The following TCF12 variants were observed in gnomAD, a reference collection of about 807,000 sequenced individuals.
The protein encoded by TCF12 is transcription factor 12.
A neutral mutation model predicts 86.0 loss-of-function variants in TCF12; 45 were observed. The observed-to-expected ratio is 0.52, with a 90% confidence interval of 0.41 to 0.67. TCF12 has a LOEUF of 0.67. TCF12 is among the 30% of genes least tolerant of loss of function. The pLI is 0.00. For synonymous variants in TCF12, 330 were observed against 299.6 expected (o/e 1.10, Z -1.05); for missense variants, 881 against 859.9 (o/e 1.02, Z -0.31).
At chr15:56,931,659 A>G (rs1595728972) in intron 3 of TCF12, among the ~76,000 whole-genome samples, 1 of 152,218 alleles carries the variant, frequency 6.6e-6, no homozygotes, top group East Asian at 1.9e-4. Flanking sequence ...CATGATGCTT[A>G]TTCCTGAAAT....
chr15:57,054,836 T>C (rs2067886564), intron 3 of TCF12, among the ~76,000 whole-genome samples: 1 of 135,794 alleles, frequency 7.4e-6, no homozygotes, highest in African/African-American at 2.7e-5. Flanking sequence ...CATACATCAT[T>C]AACTTCTCAA....
chr15:57,141,432 C>T (rs2052956386), intron 5 of TCF12, among the ~76,000 whole-genome samples: 1 of 152,196 alleles, frequency 6.6e-6, no homozygotes, highest in Non-Finnish European at 1.5e-5. Context: ...TCACTGCAAC[C>T]TCTGCCTCCC....
At chr15:57,247,498 A>G (rs1412666945) in intron 13 of TCF12, 5 of 798,240 alleles carry the variant, frequency 6.3e-6, no homozygotes, top group African/African-American at 3.4e-5. Context: ...ATTTCTGAAC[A>G]ACAATTTTAT....
At chr15:57,023,115 T>A (rs1358936709) in intron 3 of TCF12, among the ~76,000 whole-genome samples, 1 of 152,188 alleles carries the variant, frequency 6.6e-6, no homozygotes, top group African/African-American at 2.4e-5. Context: ...ACTAAAAGTT[T>A]AGCTGGGGTT....
intron 3 of TCF12, among the ~76,000 whole-genome samples, chr15:57,032,548 C>T (rs1356782813): frequency 6.6e-6 from 1 of 152,208 alleles, no homozygotes; most frequent in African/African-American, 2.4e-5. Context: ...CCTGCCTCAG[C>T]CTCCAGAGTA....
intron 12 of TCF12, among the ~76,000 whole-genome samples, chr15:57,240,579 G>T (rs1402582673): frequency 1.3e-5 from 2 of 152,120 alleles, no homozygotes; most frequent in South Asian, 2.1e-4. Context: ...GTGGTTTTCA[G>T]TGGTAAAGAG....
intron 5 of TCF12, among the ~76,000 whole-genome samples, chr15:57,123,418 A>C (rs141419843): frequency 2.7e-4 from 41 of 152,286 alleles, no homozygotes; most frequent in African/African-American, 9.4e-4. Context: ...ATTCCATTGT[A>C]AGATTCTTTT....
At chr15:57,004,428 A>G (rs2064227665) in intron 3 of TCF12, among the ~76,000 whole-genome samples, 1 of 151,192 alleles carries the variant, frequency 6.6e-6, no homozygotes, top group Non-Finnish European at 1.5e-5. Context: ...TATTTTTTTG[A>G]GGCGGAGTCT....
chr15:57,031,380 T>TG (rs11385466), intron 3 of TCF12, among the ~76,000 whole-genome samples: 68,765 of 151,910 alleles, frequency 0.45, 15,889 homozygotes, highest in East Asian at 0.6. Context: ...GCTTGAGGTT[T>TG]GGGGGGTCAG....
At chr15:57,017,978 A>G (rs1329872531) in intron 3 of TCF12, among the ~76,000 whole-genome samples, 1 of 152,208 alleles carries the variant, frequency 6.6e-6, no homozygotes, top group Non-Finnish European at 1.5e-5. Context: ...AGGGAGTGTA[A>G]GAATCACCCA....
At chr15:57,081,624 G>A (rs543612103) in intron 4 of TCF12, among the ~76,000 whole-genome samples, 12 of 152,234 alleles carry the variant, frequency 7.9e-5, no homozygotes, top group African/African-American at 2.9e-4. Context: ...TACAGCCTCT[G>A]CCTCCTGGGT....
At chr15:57,133,063 T>C (rs1271255113) in intron 5 of TCF12, among the ~76,000 whole-genome samples, 3 of 152,224 alleles carry the variant, frequency 2.0e-5, no homozygotes, top group South Asian at 2.1e-4. Context: ...GCAAAGCCTT[T>C]TTATCCTTCA....
intron 8 of TCF12, among the ~76,000 whole-genome samples, chr15:57,217,946 G>A (rs1173428352): frequency 2.0e-5 from 3 of 152,178 alleles, no homozygotes; most frequent in African/African-American, 7.2e-5. Flanking sequence ...TTAATAGTCT[G>A]CTGTACAGCG....
chr15:57,263,535 A>C (rs1211905239), intron 18 of TCF12, among the ~76,000 whole-genome samples: 1 of 152,220 alleles, frequency 6.6e-6, no homozygotes, highest in Non-Finnish European at 1.5e-5. Flanking sequence ...CTCTTCACTC[A>C]AGTTGCTTAG....
chr15:57,124,995 G>A (rs2051531601), intron 5 of TCF12, among the ~76,000 whole-genome samples: 1 of 152,128 alleles, frequency 6.6e-6, no homozygotes, highest in Non-Finnish European at 1.5e-5. Context: ...TTTTCTTAGA[G>A]TGGTTGCATC....
chr15:57,124,889 G>GCCAGGATGA (rs2051523135), intron 5 of TCF12, among the ~76,000 whole-genome samples: 1 of 518 alleles, frequency 1.9e-3, no homozygotes, highest in Non-Finnish European at 7.6e-3. Context: ...CACCGTGTCA[G>GCCAGGATGA]TCTTGATCTC....
intron 20 of TCF12, among the ~76,000 whole-genome samples, chr15:57,284,634 C>G (rs541526535): frequency 1.3e-5 from 2 of 152,244 alleles, no homozygotes; most frequent in Non-Finnish European, 2.9e-5. Flanking sequence ...GCTCAGGTCC[C>G]AGATAACCAC....
intron 4 of TCF12, among the ~76,000 whole-genome samples, chr15:57,070,983 C>A (rs1170624501): frequency 2.0e-5 from 3 of 152,224 alleles, no homozygotes; most frequent in South Asian, 2.1e-4. Context: ...GTTGGACTTA[C>A]CCTGATCCCC....
At chr15:56,959,950 A>C (rs1338664126) in intron 3 of TCF12, among the ~76,000 whole-genome samples, 1 of 152,184 alleles carries the variant, frequency 6.6e-6, no homozygotes, top group Non-Finnish European at 1.5e-5. Flanking sequence ...GAAAAAAATC[A>C]AAAGAAATAG....
Sources: gnomAD v4.1 joint callset for allele counts (sites outside exome capture counted in the v4.1 genomes callset) on GRCh38, gnomAD v4.1.1 for gene constraint, MANE v1.5 for transcripts, NCBI Gene and HGNC (gene_info 2026-07-23, HGNC 2026-07-21) for gene names.